The following KAZN variants were observed in gnomAD, a reference collection of about 807,000 sequenced individuals.
KAZN encodes the protein kazrin.
A neutral mutation model predicts 87.4 loss-of-function variants in KAZN; 40 were observed. The ratio of observed to expected loss-of-function variants is 0.46; its 90% CI spans 0.36 to 0.60. The LOEUF (loss-of-function observed/expected upper bound fraction) is 0.60, where lower values mean the gene tolerates loss of function less well. KAZN is among the 20% of genes least tolerant of loss of function. The pLI, the probability that KAZN is intolerant of heterozygous loss-of-function variation, is 0.00. For synonymous variants in KAZN, 466 were observed against 458.3 expected (o/e 1.02, Z -0.22); for missense variants, 898 against 1,073.9 (o/e 0.84, Z 2.29).
chr1:15,076,666 A>G (rs1442832533), intron 8 of KAZN, among the ~76,000 whole-genome samples: 1 of 152,138 alleles, frequency 6.6e-6, no homozygotes, highest in East Asian at 1.9e-4. Context: ...TCTGAGCTCC[A>G]CTTTTCTCAT....
chr1:13,904,945 C>T (rs532736183), intron 1 of KAZN, among the ~76,000 whole-genome samples: 2 of 152,246 alleles, frequency 1.3e-5, no homozygotes, highest in African/African-American at 2.4e-5. Flanking sequence ...ATCTTTGTCT[C>T]TCTGTTGCAT....
At chr1:14,600,016 A>G (rs914365098) in intron 1 of KAZN, among the ~76,000 whole-genome samples, 1 of 152,184 alleles carries the variant, frequency 6.6e-6, no homozygotes, top group East Asian at 1.9e-4. Flanking sequence ...CCCCTGCAAG[A>G]CATAAAGGCG....
At chr1:14,755,760 A>T (rs1014952073) in intron 1 of KAZN, among the ~76,000 whole-genome samples, 3 of 152,198 alleles carry the variant, frequency 2.0e-5, no homozygotes, top group Non-Finnish European at 4.4e-5. Context: ...GATCACTCAG[A>T]TGGCATTTAG....
At chr1:14,500,636 T>C (rs919797285) in intron 2 of KAZN, among the ~76,000 whole-genome samples, 1 of 151,598 alleles carries the variant, frequency 6.6e-6, no homozygotes, top group Non-Finnish European at 1.5e-5. Context: ...AGAAAGATGA[T>C]AGAGAAAATC....
At chr1:14,748,269 G>C (rs72868435) in intron 1 of KAZN, among the ~76,000 whole-genome samples, 2,296 of 152,232 alleles carry the variant, frequency 0.015, 66 homozygotes, top group African/African-American at 0.051. Flanking sequence ...TCAGCAAAAA[G>C]CCCACTTCTC....
At chr1:13,895,932 C>T (rs934546833) in intron 1 of KAZN, among the ~76,000 whole-genome samples, 3 of 149,780 alleles carry the variant, frequency 2.0e-5, no homozygotes, top group Non-Finnish European at 4.4e-5. Flanking sequence ...TCAATGATAC[C>T]ATTTCCTGAA....
chr1:14,506,316 T>G (rs1670582586), intron 2 of KAZN, among the ~76,000 whole-genome samples: 1 of 152,222 alleles, frequency 6.6e-6, no homozygotes, highest in Non-Finnish European at 1.5e-5. Flanking sequence ...GACTTCACTC[T>G]CCCATGGTGA....
intron 2 of KAZN, among the ~76,000 whole-genome samples, chr1:14,212,878 C>T (rs1271388127): frequency 6.6e-6 from 1 of 152,196 alleles, no homozygotes; most frequent in African/African-American, 2.4e-5. Context: ...AATGCAAATA[C>T]ATGAAAATAT....
At chr1:14,374,257 C>T (rs890384314) in intron 2 of KAZN, among the ~76,000 whole-genome samples, 1 of 152,190 alleles carries the variant, frequency 6.6e-6, no homozygotes, top group Non-Finnish European at 1.5e-5. Flanking sequence ...GGACCACTCA[C>T]CCCAGGCAGT....
chr1:14,764,013 T>A (rs1395282581), intron 1 of KAZN, among the ~76,000 whole-genome samples: 1 of 152,136 alleles, frequency 6.6e-6, no homozygotes, highest in African/African-American at 2.4e-5. Context: ...CCTCCCAAAG[T>A]GCTGAGATTA....
At chr1:14,643,352 T>A (rs373325329) in intron 1 of KAZN, among the ~76,000 whole-genome samples, 26 of 152,298 alleles carry the variant, frequency 1.7e-4, no homozygotes, top group Admixed American at 3.9e-4. Context: ...CCCCATTGTC[T>A]GTTTTTCCCT....
chr1:13,939,634 T>C (rs1374112970), intron 1 of KAZN, among the ~76,000 whole-genome samples: 4 of 152,224 alleles, frequency 2.6e-5, no homozygotes, highest in Non-Finnish European at 5.9e-5. Flanking sequence ...TTTTCAGATA[T>C]CTTTATAGCA....
At position 15,103,355 on chromosome 1, in the gene KAZN, C is replaced by CA. The variant is rs1557801414; in HGVS notation, c.1780-2dup. On this transcript the variant is annotated splice_polypyrimidine_tract_variant and splice_region_variant and intron_variant, in intron 11 of 14. Coordinates refer to ENST00000376030, the MANE Select transcript of KAZN (RefSeq NM_201628.3). Reference sequence around the variant, plus strand: ...CTCCGAATGACCCACTGTCTCCCCACAAGGCCCTCCAGGAGCGCCGGGCCC... The same window carrying CA: ...CTCCGAATGACCCACTGTCTCCCCACAAAGGCCCTCCAGGAGCGCCGGGCCC... 2 of 1,550,510 alleles carry CA rather than the reference C, an allele frequency of 1.3e-6. No homozygotes were observed. The highest frequency in any genetic ancestry group is 2.4e-5 in the South Asian group (2 of 84,004).
At chr1:14,478,391 G>GA (rs1255929260) in intron 2 of KAZN, among the ~76,000 whole-genome samples, 2 of 152,098 alleles carry the variant, frequency 1.3e-5, no homozygotes, top group African/African-American at 4.8e-5. Context: ...TAGGTGGATG[G>GA]AAAAAAGGAT....
Position 14,705,874 on chromosome 1 carries a change from A to C in KAZN, c.226+106651A>C, listed in dbSNP as rs188714642. Among the ~76,000 whole-genome samples the C allele has an allele frequency of 4.8e-4, 73 of 152,176 alleles. No homozygotes were observed. In the Middle Eastern group the frequency reaches 0.031, roughly 64 times the overall value. Reference sequence around the variant, plus strand: ...TAGCGTTCTATACCAGGGTTCTCCAACTCCCGGGGCCACAGACTGGTACCA... The same window carrying C: ...TAGCGTTCTATACCAGGGTTCTCCACCTCCCGGGGCCACAGACTGGTACCA... On this transcript the variant is annotated intron_variant, in intron 1 of 14. Transcript: ENST00000376030.
chr1:13,935,780 C>A (rs1330905340), intron 1 of KAZN, among the ~76,000 whole-genome samples: 2 of 151,926 alleles, frequency 1.3e-5, no homozygotes, highest in Non-Finnish European at 2.9e-5. Context: ...GACAAAGTCA[C>A]TACTGACTGG....
chr1:14,380,443 A>C (rs1176960860), intron 2 of KAZN, among the ~76,000 whole-genome samples: 4 of 152,244 alleles, frequency 2.6e-5, no homozygotes, highest in African/African-American at 4.8e-5. Context: ...TGCTGTGTTG[A>C]AGAAACTTAA....
chr1:15,006,164 C>T (rs968113812), intron 2 of KAZN, among the ~76,000 whole-genome samples: 1 of 152,212 alleles, frequency 6.6e-6, no homozygotes, highest in African/African-American at 2.4e-5. Context: ...AAAGGCCAAG[C>T]CCTTTAGCAT....
In KAZN at chr1:14,739,063, G is replaced by C. The variant is rs546326149; in HGVS notation, c.226+139840G>C. 2.5e-3 allele frequency among the ~76,000 whole-genome samples: 388 copies of C among 152,234 alleles called. 1 individual carries two copies. The highest frequency in any genetic ancestry group is 8.7e-3 in the African/African-American group (362 of 41,528). On this transcript the variant is annotated intron_variant, in intron 1 of 14. Transcript: ENST00000376030. ...ATGGTGGTATACACCTGTGGTCCCA[G>C]GAGTCCTCAGGAGGCTGAGGTAGGG...
Sources: allele counts gnomAD v4.1 joint callset (sites outside exome capture counted in the v4.1 genomes callset), GRCh38; gene constraint gnomAD v4.1.1; transcripts MANE v1.5; gene names NCBI Gene and HGNC (gene_info 2026-07-23, HGNC 2026-07-21).